Variants in CCDC171 observed in about 807,000 individuals in gnomAD.
The protein encoded by CCDC171 is coiled-coil domain-containing protein 171.
In CCDC171, 177 loss-of-function variants were observed where a neutral mutation model predicts 168.2. The observed-to-expected ratio is 1.05, with a 90% CI of 0.93 to 1.19. CCDC171 has a LOEUF of 1.19. CCDC171 is among the 50% of genes most tolerant of loss of function. The pLI is 0.00. For missense variants in CCDC171, 1,991 were observed against 1,539.0 expected, an observed-to-expected ratio of 1.29 and a Z score of -4.91; for synonymous variants, 687 against 540.8, an observed-to-expected ratio of 1.27 and a Z score of -3.75.
In CCDC171 at chr9:15,818,351, CTT is replaced by C. The variant is rs1403806493; in HGVS notation, c.3268-28349_3268-28348del. 1.7e-5 allele frequency among the ~76,000 whole-genome samples: 2 copies of C among 117,880 alleles called. 1 individual carries two copies. The highest frequency in any genetic ancestry group is 6.4e-5 in the African/African-American group (2 of 31,292). The allele number at this position is 117,880 out of a possible 152,430, so 77.3% of individuals were successfully genotyped here. On this transcript the variant is annotated intron_variant, in intron 21 of 25. Coordinates refer to ENST00000380701, the MANE Select transcript of CCDC171 (RefSeq NM_173550.4). ...CGGACCAAAGCTGGACAGAGAATGA[CTT>C]TGATGAGTTGAGAGAAGAAGGCTTC... is the stretch of plus-strand genomic sequence containing the variant.
chr9:16,103,015 A>G, the CCDC171 span, among the ~76,000 whole-genome samples: 1 of 152,220 alleles, frequency 6.6e-6, no homozygotes, highest in Non-Finnish European at 1.5e-5. Context: ...TCAGCCGCAC[A>G]GGTAATGCAA....
intron 25 of CCDC171, among the ~76,000 whole-genome samples, chr9:15,943,256 A>G (rs1352478604): frequency 6.6e-6 from 1 of 151,990 alleles, no homozygotes; most frequent in Non-Finnish European, 1.5e-5. Context: ...AGAAGAGCAG[A>G]GATATTTAAA....
At chr9:16,090,044 G>C in the CCDC171 span, among the ~76,000 whole-genome samples, 1 of 151,908 alleles carries the variant, frequency 6.6e-6, no homozygotes, top group Non-Finnish European at 1.5e-5. Flanking sequence ...CAGAAATACC[G>C]TTTGACCCAG....
At chr9:15,897,405 A>G (rs1454616525) in intron 24 of CCDC171, among the ~76,000 whole-genome samples, 1 of 152,088 alleles carries the variant, frequency 6.6e-6, no homozygotes, top group South Asian at 2.1e-4. Flanking sequence ...TAGCATCAAA[A>G]GATGTTTTGA....
intron 23 of CCDC171, among the ~76,000 whole-genome samples, chr9:15,868,960 C>T (rs2061910791): frequency 6.6e-6 from 1 of 151,998 alleles, no homozygotes; most frequent in African/African-American, 2.4e-5. Context: ...ATAATCTATG[C>T]ACATCCTTCT....
intron 21 of CCDC171, among the ~76,000 whole-genome samples, chr9:15,823,102 G>A (rs928089196): frequency 1.3e-5 from 2 of 152,056 alleles, no homozygotes; most frequent in Non-Finnish European, 2.9e-5. Flanking sequence ...ACCAAACACT[G>A]CATGTTCTCA....
chr9:15,769,443 A>G (rs935135831), intron 18 of CCDC171, among the ~76,000 whole-genome samples: 1 of 152,240 alleles, frequency 6.6e-6, no homozygotes, highest in Non-Finnish European at 1.5e-5. Context: ...GTGGACTTGA[A>G]TGAGAAAAAA....
chr9:15,927,205 GTA>G (rs1246250419), intron 25 of CCDC171, among the ~76,000 whole-genome samples: 1 of 151,560 alleles, frequency 6.6e-6, no homozygotes, highest in Non-Finnish European at 1.5e-5. Context: ...CTCATCAGTT[GTA>G]CACTTGCCAG....
intron 25 of CCDC171, among the ~76,000 whole-genome samples, chr9:15,926,467 T>G (rs1481189385): frequency 6.6e-6 from 1 of 151,572 alleles, no homozygotes; most frequent in East Asian, 1.9e-4. Flanking sequence ...TAATCTGATT[T>G]GATTCCACTT....
chr9:15,732,794 G>C (rs1361926803), intron 16 of CCDC171, among the ~76,000 whole-genome samples: 1 of 151,896 alleles, frequency 6.6e-6, no homozygotes, highest in East Asian at 1.9e-4. Context: ...CATTTCTCTT[G>C]GGTAAATACC....
chr9:15,937,658 A>G (rs530046057), intron 25 of CCDC171, among the ~76,000 whole-genome samples: 253 of 152,138 alleles, frequency 1.7e-3, no homozygotes, highest in Non-Finnish European at 2.7e-3. Context: ...AAGAGTCATA[A>G]TTCTCATTAT....
In CCDC171 at chr9:15,594,056, C is replaced by A; in HGVS notation, c.559C>A (p.His187Asn). 1 of 1,588,552 alleles carries A rather than the reference C, an allele frequency of 6.3e-7. No homozygotes were observed. The highest frequency in any genetic ancestry group is 8.6e-7 in the Non-Finnish European group (1 of 1,166,500). ...EKTLQEALEK[H>N]QREKNEMESH... ...TTATATAAAGGAAGCGTTGGAAAAACATCAACGGGAGAAGAATGAGATGGA... is the reference window on the plus strand; with the variant it reads ...TTATATAAAGGAAGCGTTGGAAAAAAATCAACGGGAGAAGAATGAGATGGA... The change falls in exon 6 of 26, where the codon CAT (histidine) becomes AAT (asparagine). Residue 187 changes from histidine to asparagine, a missense_variant. Transcript: ENST00000380701.
At chr9:15,720,742 A>C (rs1323798319) in intron 11 of CCDC171, among the ~76,000 whole-genome samples, 1 of 152,192 alleles carries the variant, frequency 6.6e-6, no homozygotes, top group African/African-American at 2.4e-5. Context: ...CACAATGTGC[A>C]GGTTTGTTCC....
chr9:15,810,539 C>T (rs2059301391), intron 21 of CCDC171, among the ~76,000 whole-genome samples: 1 of 152,170 alleles, frequency 6.6e-6, no homozygotes, highest in South Asian at 2.1e-4. Context: ...AGGTCCCGAG[C>T]CCTGTCCTGT....
intron 7 of CCDC171, among the ~76,000 whole-genome samples, chr9:15,627,201 C>A (rs1165815647): frequency 6.6e-6 from 1 of 151,832 alleles, no homozygotes; most frequent in Non-Finnish European, 1.5e-5. Context: ...TTTGATTCTT[C>A]TCTCTTTTCT....
intron 3 of CCDC171, among the ~76,000 whole-genome samples, chr9:15,981,655 G>A (rs574086589): frequency 7.2e-5 from 11 of 152,232 alleles, no homozygotes; most frequent in South Asian, 4.1e-4. Flanking sequence ...TTAGAAGTAC[G>A]CAGCTCATTT....
chr9:16,090,784 T>C, the CCDC171 span, among the ~76,000 whole-genome samples: 18 of 152,188 alleles, frequency 1.2e-4, no homozygotes, highest in Non-Finnish European at 4.4e-5. Context: ...TATTCTGATA[T>C]AAAGAGACTC....
At chr9:15,569,525 C>A (rs1369622201) in intron 2 of CCDC171, among the ~76,000 whole-genome samples, 1 of 152,112 alleles carries the variant, frequency 6.6e-6, no homozygotes, top group Non-Finnish European at 1.5e-5. Context: ...AAAAAATTTT[C>A]TATTTTTCGG....
At position 15,721,810 on chromosome 9, in the gene CCDC171, G is replaced by A; in HGVS notation, c.1360G>A (p.Val454Ile). ...DKDKPPSFSVVLERLRRTLTD... is the reference protein window; with the variant it reads ...DKDKPPSFSVILERLRRTLTD... ...AGATAAACCTCCCAGCTTCTCTGTTGTCCTTGAGAGATTGAGGCGTACCTT... is the reference window on the plus strand; with the variant it reads ...AGATAAACCTCCCAGCTTCTCTGTTATCCTTGAGAGATTGAGGCGTACCTT... Residue 454 changes from valine (V) to isoleucine (I), a missense_variant, in exon 12 of 26, where the codon GTC becomes ATC. By Grantham distance (29) the Val-to-Ile change is conservative. Coordinates refer to ENST00000380701, the MANE Select transcript of CCDC171 (RefSeq NM_173550.4). 6.4e-7 allele frequency: 1 copy of A among 1,568,272 alleles called. No homozygotes were observed. Among genetic ancestry groups the A allele is most frequent in the African/African-American group, 1.4e-5 (1 of 72,502 alleles).
Sources: allele counts gnomAD v4.1 joint callset (sites outside exome capture counted in the v4.1 genomes callset), GRCh38; gene constraint gnomAD v4.1.1; transcripts MANE v1.5; gene names NCBI Gene and HGNC (gene_info 2026-07-23, HGNC 2026-07-21).